The following CDH4 variants were observed in gnomAD, a reference collection of about 807,000 sequenced individuals.
CDH4 encodes cadherin 4.
CDH4 carries 33 observed loss-of-function variants against 86.0 expected under a neutral mutation model. The observed-to-expected ratio is 0.38, with a 90% CI of 0.29 to 0.51. The LOEUF (loss-of-function observed/expected upper bound fraction) is 0.51. CDH4 is among the 20% of genes least tolerant of loss of function. The pLI, the probability that CDH4 is intolerant of heterozygous loss-of-function variation, is 0.86. For missense variants in CDH4, 1,114 were observed against 1,307.4 expected (o/e 0.85, Z 2.28); for synonymous variants, 555 against 549.4 (o/e 1.01, Z -0.14).
intron 2 of CDH4, among the ~76,000 whole-genome samples, chr20:61,614,060 G>A (rs1396775029): frequency 6.6e-6 from 1 of 152,126 alleles, no homozygotes; most frequent in Non-Finnish European, 1.5e-5. Flanking sequence ...GGTGGAATGA[G>A]AAATTGACTT....
intron 2 of CDH4, among the ~76,000 whole-genome samples, chr20:61,729,294 G>T (rs1160664110): frequency 1.3e-5 from 2 of 152,184 alleles, no homozygotes; most frequent in Admixed American, 1.3e-4. Context: ...CGTTCCAGTG[G>T]GCACCAGTAG....
rs373270724 is a variant in CDH4 at position 61,785,341 on chromosome 20, G to A, written c.576+12159G>A. Among the ~76,000 whole-genome samples, 34 of 152,264 alleles carry A rather than the reference G, an allele frequency of 2.2e-4. No homozygotes were observed. The East Asian group carries it at 3.1e-3, about 14-fold the overall frequency. On this transcript the variant is annotated intron_variant, in intron 4 of 15. Coordinates refer to ENST00000614565, the MANE Select transcript of CDH4 (RefSeq NM_001794.5). ...GCTGTGGGCTCCCTGAGGGTGGGGC[G>A]GCTCTGATCTTGCCCCTGTCTGTGT... is the stretch of plus-strand genomic sequence containing the variant.
chr20:61,632,940 A>T (rs1478074232), intron 2 of CDH4, among the ~76,000 whole-genome samples: 4 of 147,660 alleles, frequency 2.7e-5, no homozygotes, highest in Non-Finnish European at 6.0e-5. Flanking sequence ...CTCTCTATCC[A>T]TCTTCTTATC....
intron 2 of CDH4, among the ~76,000 whole-genome samples, chr20:61,442,961 C>T (rs2085322183): frequency 1.3e-5 from 2 of 152,280 alleles, no homozygotes; most frequent in South Asian, 4.1e-4. Flanking sequence ...TAGATGACCC[C>T]TAGGTGCACC....
intron 2 of CDH4, among the ~76,000 whole-genome samples, chr20:61,378,075 A>G (rs1256726829): frequency 6.6e-6 from 1 of 152,114 alleles, no homozygotes; most frequent in Non-Finnish European, 1.5e-5. Flanking sequence ...CAACATGGCA[A>G]GACCCCCATC....
intron 15 of CDH4, 46 bp from the exon 16 acceptor site, chr20:61,936,691 T>C: frequency 7.0e-7 from 1 of 1,427,942 alleles, no homozygotes. Flanking sequence ...ATCCCGGGGC[T>C]GAGACAACGC....
At chr20:61,569,081 G>A (rs73136657) in intron 2 of CDH4, among the ~76,000 whole-genome samples, 12,058 of 152,198 alleles carry the variant, frequency 0.079, 1,019 homozygotes, top group African/African-American at 0.21. Context: ...TGGAGCCTCA[G>A]AGACCCTGGG....
intron 2 of CDH4, among the ~76,000 whole-genome samples, chr20:61,660,703 AG>A (rs2087244123): frequency 6.6e-6 from 1 of 152,158 alleles, no homozygotes; most frequent in Non-Finnish European, 1.5e-5. Context: ...GGGTCCCAGA[AG>A]GCCTAGTCCT....
At chr20:61,330,548 C>T (rs943500106) in intron 2 of CDH4, among the ~76,000 whole-genome samples, 1 of 152,182 alleles carries the variant, frequency 6.6e-6, no homozygotes, top group African/African-American at 2.4e-5. Context: ...AGATTCAAGT[C>T]GTTGTAGGCA....
chr20:61,361,082 T>C (rs28415781), intron 2 of CDH4, among the ~76,000 whole-genome samples: 65,418 of 151,962 alleles, frequency 0.43, 14,952 homozygotes, highest in Middle Eastern at 0.63. Flanking sequence ...GAGACGAGGC[T>C]GGCGTCATAG....
rs755672142 is a variant in CDH4 at position 61,936,987 on chromosome 20, G to A, written c.*44G>A. 1.1e-5 allele frequency: 17 copies of A among 1,509,420 alleles called. No individual in the cohort carries two copies. The African/African-American group carries it at 1.4e-4, about 12-fold the overall frequency. 93.5% of individuals were successfully genotyped at this position (1,509,420 alleles called of 1,614,324 possible). ...ACCGAAGTGAGAGCCGTGCTCGGAC[G>A]CCGGAGGAGCAGGACTGAGCAGAGG... On this transcript the variant is annotated 3_prime_UTR_variant, in exon 16 of 16. Coordinates refer to ENST00000614565, the MANE Select transcript of CDH4 (RefSeq NM_001794.5).
At chr20:61,858,327 G>GTCTGTGTCTGTGTA (rs1491019510) in intron 6 of CDH4, among the ~76,000 whole-genome samples, 31 of 150,434 alleles carry the variant, frequency 2.1e-4, no homozygotes, top group African/African-American at 7.6e-4. Flanking sequence ...GTCTGTGTCT[G>GTCTGTGTCTGTGTA]TCTGTGTCTG....
intron 2 of CDH4, among the ~76,000 whole-genome samples, chr20:61,437,875 G>C (rs971156250): frequency 6.6e-6 from 1 of 152,198 alleles, no homozygotes; most frequent in African/African-American, 2.4e-5. Context: ...GATGATGCCA[G>C]AAAGACTGGT....
intron 2 of CDH4, among the ~76,000 whole-genome samples, chr20:61,658,564 C>A (rs1028200828): frequency 2.0e-5 from 3 of 152,278 alleles, no homozygotes; most frequent in Non-Finnish European, 1.5e-5. Context: ...CTGCAAGGAG[C>A]AAAGGATGGG....
chr20:61,260,693 A>C (rs1053802226), intron 2 of CDH4, among the ~76,000 whole-genome samples: 1 of 152,174 alleles, frequency 6.6e-6, no homozygotes, highest in Non-Finnish European at 1.5e-5. Flanking sequence ...AGGGATCCCC[A>C]AAAATGGGCA....
At chr20:61,683,838 G>T (rs941485917) in intron 2 of CDH4, among the ~76,000 whole-genome samples, 1 of 152,224 alleles carries the variant, frequency 6.6e-6, no homozygotes, top group Non-Finnish European at 1.5e-5. Context: ...TCTTGTACAA[G>T]CCTGTGCCTG....
chr20:61,673,307 C>G (rs1299269445), intron 2 of CDH4, among the ~76,000 whole-genome samples: 1 of 152,216 alleles, frequency 6.6e-6, no homozygotes, highest in Non-Finnish European at 1.5e-5. Context: ...GCAGCTGCAG[C>G]ATGAGTCCAT....
At chr20:61,834,454 A>G (rs1243681086) in intron 4 of CDH4, among the ~76,000 whole-genome samples, 1 of 152,236 alleles carries the variant, frequency 6.6e-6, no homozygotes, top group African/African-American at 2.4e-5. Context: ...CCCAAGGGAC[A>G]GGACCCTGCT....
chr20:61,594,573 C>T (rs904262645), intron 2 of CDH4, among the ~76,000 whole-genome samples: 2 of 152,164 alleles, frequency 1.3e-5, no homozygotes, highest in Non-Finnish European at 1.5e-5. Flanking sequence ...CAGTGGGGCT[C>T]GAGGGTCCTT....
Sources: gnomAD v4.1 joint callset for allele counts (sites outside exome capture counted in the v4.1 genomes callset) on GRCh38, gnomAD v4.1.1 for gene constraint, MANE v1.5 for transcripts, NCBI Gene and HGNC (gene_info 2026-07-23, HGNC 2026-07-21) for gene names.